PHF2: variants seen among roughly 807,000 people sequenced by gnomAD.
PHF2 encodes PHD finger protein 2.
A neutral mutation model predicts 120.5 loss-of-function variants in PHF2; 27 were observed. That is an observed-to-expected ratio of 0.22 (90% CI 0.17 to 0.31). The LOEUF (loss-of-function observed/expected upper bound fraction) is 0.31, where lower values mean the gene tolerates loss of function less well. Ranked by LOEUF, PHF2 falls within the 10% of genes least tolerant of loss-of-function variation. The probability of loss-of-function intolerance (pLI) is 1.00; values close to 1 mark genes in which losing one functional copy is unlikely to be tolerated. For synonymous variants in PHF2, 568 were observed against 592.5 expected (o/e 0.96, Z 0.60); for missense variants, 1,024 against 1,434.8 (o/e 0.71, Z 4.63).
intron 11 of PHF2, 51 bp from the exon 12 acceptor site, chr9:93,660,141 G>C (rs374487151): frequency 6.7e-7 from 1 of 1,483,848 alleles, no homozygotes; most frequent in South Asian, 1.4e-5. Flanking sequence ...GACCGTCTTG[G>C]GCCACAGTTT....
intron 10 of PHF2, 94 bp downstream of exon 10, chr9:93,658,330 C>A: frequency 1.0e-6 from 1 of 965,972 alleles, no homozygotes; most frequent in Non-Finnish European, 1.6e-6. Context: ...AGGACTTGTC[C>A]TGCTTCAGTG....
chr9:93,650,466 G>A (rs149536226), intron 5 of PHF2, among the ~76,000 whole-genome samples: 140 of 152,286 alleles, frequency 9.2e-4, no homozygotes, highest in Non-Finnish European at 1.6e-3. Flanking sequence ...CTGCAGGGGC[G>A]GCTGCTGTGA....
Position 93,656,125 on chromosome 9 carries a change from C to G in PHF2, c.1040+104C>G. 1 of 885,784 alleles carries G rather than the reference C, an allele frequency of 1.1e-6. No individual in the cohort carries two copies. Among genetic ancestry groups the G allele is most frequent in the Non-Finnish European group, 1.8e-6 (1 of 561,880 alleles). 54.9% of individuals were successfully genotyped at this position (885,784 alleles called of 1,614,324 possible). On this transcript the variant is annotated intron_variant, in intron 8 of 21. Coordinates refer to ENST00000359246, the MANE Select transcript of PHF2 (RefSeq NM_005392.4). The surrounding 1 kb of genome is among the most constrained non-coding windows in gnomAD (Gnocchi z 4.1). ...TGGGCTGAGTCCTGGCACAGCCCGC[C>G]TGTGGGTGGCCTGGACATGACCGTC...
chr9:93,672,103 T>G (rs541361754), intron 17 of PHF2, among the ~76,000 whole-genome samples: 2 of 90,588 alleles, frequency 2.2e-5, no homozygotes, highest in Non-Finnish European at 2.2e-5. Flanking sequence ...TGGATGTAGG[T>G]ACAGGTGTAG....
Position 93,660,422 on chromosome 9 carries a change from G to T in PHF2, c.1560G>T (p.Thr520=). 3.3e-6 allele frequency: 4 copies of T among 1,225,746 alleles called. No individual in the cohort carries two copies. The highest frequency in any genetic ancestry group is 4.2e-6 in the Non-Finnish European group (4 of 945,954). 75.9% of individuals were successfully genotyped at this position (1,225,746 alleles called of 1,614,324 possible). The part of the protein sequence containing the change: ...KPPKPPRPPK[T]LKLKDGGKKK... ...CTAAGCCCCCAAGGCCCCCCAAAAC[G>T]CTGAAGCTCAAAGATGGAGGCAAGA... is the stretch of plus-strand genomic sequence containing the variant. The change falls in exon 12 of 22, where the codon ACG becomes ACT. Residue 520 remains threonine, a synonymous_variant. Coordinates refer to ENST00000359246, the MANE Select transcript of PHF2 (RefSeq NM_005392.4).
At chr9:93,624,799 C>CTGGTGATGGTGA (rs746745744) in intron 1 of PHF2, among the ~76,000 whole-genome samples, 1 of 133,302 alleles carries the variant, frequency 7.5e-6, no homozygotes, top group Admixed American at 7.7e-5. Flanking sequence ...TGTGGCAGTG[C>CTGGTGATGGTGA]TGGTGATGGT....
chr9:93,631,146 T>G (rs1825995533), intron 2 of PHF2, among the ~76,000 whole-genome samples: 1 of 152,166 alleles, frequency 6.6e-6, no homozygotes, highest in African/African-American at 2.4e-5. Context: ...ACCCCTGTTC[T>G]GTGAGCTGAG....
At chr9:93,676,498 CTCAAG>C in intron 20 of PHF2, 91 bp from the exon 21 acceptor site, 1 of 1,454,520 alleles carries the variant, frequency 6.9e-7, no homozygotes, top group South Asian at 1.3e-5. Context: ...CCCTGCTGTG[CTCAAG>C]GGCCCCTGGC....
intron 17 of PHF2, chr9:93,671,094 G>A: frequency 6.2e-6 from 6 of 972,894 alleles, no homozygotes; most frequent in Non-Finnish European, 7.3e-6. Context: ...GTAGGTGCAG[G>A]TGTAGACGCA....
intron 1 of PHF2, among the ~76,000 whole-genome samples, chr9:93,619,322 G>A (rs1042704716): frequency 1.3e-5 from 2 of 152,226 alleles, no homozygotes; most frequent in Non-Finnish European, 2.9e-5. Context: ...TTAGGGACCA[G>A]GCGACTTGAT....
intron 6 of PHF2, 57 bp from the exon 7 acceptor site, chr9:93,654,356 C>G (rs1481219017): frequency 6.4e-7 from 1 of 1,565,858 alleles, no homozygotes; most frequent in African/African-American, 1.3e-5. Context: ...CTGTCACTTG[C>G]ACCCCCGACC....
chr9:93,667,352 C>A, intron 17 of PHF2, 112 bp downstream of exon 17: 1 of 1,306,028 alleles, frequency 7.7e-7, no homozygotes, highest in Non-Finnish European at 1.0e-6. Context: ...GGAGCCAGTG[C>A]TGAGCCGCCC....
intron 19 of PHF2, among the ~76,000 whole-genome samples, chr9:93,675,313 C>T (rs1484309014): frequency 6.6e-6 from 1 of 152,264 alleles, no homozygotes; most frequent in Non-Finnish European, 1.5e-5. Context: ...CCTCAATGGG[C>T]AGCTCTGTGA....
intron 1 of PHF2, among the ~76,000 whole-genome samples, chr9:93,591,994 G>A (rs936968111): frequency 8.5e-5 from 13 of 152,232 alleles, no homozygotes; most frequent in African/African-American, 2.7e-4. Flanking sequence ...GCTGCTCAGC[G>A]CCCACTCTGC....
chr9:93,642,833 C>T (rs1826192110), intron 3 of PHF2, among the ~76,000 whole-genome samples: 1 of 152,162 alleles, frequency 6.6e-6, no homozygotes, highest in South Asian at 2.1e-4. Context: ...TTCAAATTTA[C>T]TATTTTTTCA....
chr9:93,648,418 G>A (rs1826299506), intron 4 of PHF2, among the ~76,000 whole-genome samples: 1 of 152,224 alleles, frequency 6.6e-6, no homozygotes, highest in South Asian at 2.1e-4. Flanking sequence ...TGCAGACAAG[G>A]CCAGTGGCCC....
intron 1 of PHF2, among the ~76,000 whole-genome samples, chr9:93,611,665 T>G (rs1179746652): frequency 6.6e-6 from 1 of 152,122 alleles, no homozygotes; most frequent in East Asian, 1.9e-4. Context: ...TGTATGCTAC[T>G]ATGCCTGGCG....
chr9:93,675,105 A>C, intron 19 of PHF2, 83 bp downstream of exon 19: 2 of 1,113,504 alleles, frequency 1.8e-6, no homozygotes, highest in Non-Finnish European at 1.4e-6. Flanking sequence ...CCAGCCCCTG[A>C]GAATGTGGGC....
At position 93,660,453 on chromosome 9, in the gene PHF2, G is replaced by C. The variant is rs1358444396; in HGVS notation, c.1591G>C (p.Gly531Arg). 7.0e-6 allele frequency: 10 copies of C among 1,422,898 alleles called. No homozygotes were observed. The highest frequency in any genetic ancestry group is 2.2e-5 in the Admixed American group (1 of 44,568). The allele number at this position is 1,422,898 out of a possible 1,614,324, so 88.1% of individuals were successfully genotyped here. ...LKLKDGGKKK[G>R]KKSRESASPT... The stretch of plus-strand genomic sequence containing the variant: ...GCTCAAAGATGGAGGCAAGAAGAAA[G>C]GGAAGAAGTCCCGGGAGTCAGCCTC... Residue 531 changes from glycine to arginine, a missense_variant, in exon 12 of 22, where the codon GGG (glycine) becomes CGG (arginine). This residue lies in a region of PHF2 where 677 missense variants were observed against 857.4 expected (regional missense o/e 0.79). Transcript: ENST00000359246.
Sources: gnomAD v4.1 joint callset for allele counts (sites outside exome capture counted in the v4.1 genomes callset) on GRCh38, gnomAD v4.1.1 for gene constraint, gnomAD v4.1.1 regional missense constraint, Gnocchi (gnomAD v3.1) non-coding constraint, MANE v1.5 for transcripts, NCBI Gene and HGNC (gene_info 2026-07-23, HGNC 2026-07-21) for gene names.